Variants in ZDHHC3 observed in about 807,000 individuals in gnomAD.
ZDHHC3 encodes the protein zDHHC palmitoyltransferase 3.
A neutral mutation model predicts 30.6 loss-of-function variants in ZDHHC3; 9 were observed. That is an observed-to-expected ratio of 0.29 (90% CI 0.18 to 0.51). The LOEUF (loss-of-function observed/expected upper bound fraction) is 0.51, where lower values mean the gene tolerates loss of function less well. ZDHHC3 is among the 20% of genes least tolerant of loss of function. ZDHHC3 has a pLI of 0.97. For synonymous variants in ZDHHC3, 136 were observed against 140.2 expected, an observed-to-expected ratio of 0.97 and a Z score of 0.21; for missense variants, 246 against 384.2, an observed-to-expected ratio of 0.64 and a Z score of 3.01.
At chr3:44,945,930 T>C (rs376819479) in intron 2 of ZDHHC3, among the ~76,000 whole-genome samples, 82 of 152,332 alleles carry the variant, frequency 5.4e-4, no homozygotes, top group African/African-American at 1.9e-3. Flanking sequence ...TTTACTGGAA[T>C]TATTTTAATT....
chr3:44,925,969 CT>C lies in ZDHHC3; in HGVS notation c.*719del. The C allele has an allele frequency of 1.0e-6, 1 of 985,826 alleles. No homozygotes were observed. The highest frequency in any genetic ancestry group is 5.2e-4 in the Middle Eastern group (1 of 1,914). 61.1% of individuals were successfully genotyped at this position (985,826 alleles called of 1,614,324 possible). ...AAGGCATTTTGAACTGGAAAAACGT[CT>C]TTCCTACACACTCTTCCAAATAATC... On this transcript the variant is annotated 3_prime_UTR_variant, in exon 7 of 7. Transcript: ENST00000424952.
intron 2 of ZDHHC3, chr3:44,958,674 C>A (rs1447592224): frequency 6.5e-6 from 10 of 1,536,042 alleles, no homozygotes; most frequent in Non-Finnish European, 7.8e-6. Context: ...AAGGCCATTT[C>A]CGTGCAGGTT....
chr3:44,973,226 T>C (rs1705549213), intron 1 of ZDHHC3, among the ~76,000 whole-genome samples: 1 of 152,156 alleles, frequency 6.6e-6, no homozygotes, highest in South Asian at 2.1e-4. Context: ...CACCAAATAA[T>C]CTGGTGAATG....
At position 44,920,245 on chromosome 3, in the gene ZDHHC3, G is replaced by A. The variant is rs577157204; in HGVS notation, c.*6444C>T. On this transcript the variant is annotated 3_prime_UTR_variant, in exon 7 of 7. Coordinates refer to ENST00000424952, the MANE Select transcript of ZDHHC3 (RefSeq NM_001135179.2). ...CATGCTGCTTCCTGACTGGCCCCTC[G>A]CCAGGCCTCCCTTCTTGGCACAGAA... 4.7e-5 allele frequency: 61 copies of A among 1,289,864 alleles called. No individual in the cohort carries two copies. The African/African-American group carries it at 8.2e-4, about 17-fold the overall frequency. 79.9% of individuals were successfully genotyped at this position (1,289,864 alleles called of 1,614,324 possible). A position where few individuals can be genotyped will look rare whatever the true frequency, so the allele number is the denominator to read the frequency against.
intron 1 of ZDHHC3, among the ~76,000 whole-genome samples, chr3:44,969,132 C>T (rs887128788): frequency 1.3e-5 from 2 of 152,236 alleles, no homozygotes; most frequent in Non-Finnish European, 2.9e-5. Flanking sequence ...GTGATACTCT[C>T]ATAGTTTGTG....
chr3:44,924,553 T>C lies in ZDHHC3; in HGVS notation c.*2136A>G. The C allele has an allele frequency of 2.0e-6, 2 of 985,428 alleles. No individual in the cohort carries two copies. Among genetic ancestry groups the C allele is most frequent in the Non-Finnish European group, 2.4e-6 (2 of 829,932 alleles). 61.0% of individuals were successfully genotyped at this position (985,428 alleles called of 1,614,324 possible). On this transcript the variant is annotated 3_prime_UTR_variant, in exon 7 of 7. Transcript: ENST00000424952. The stretch of plus-strand genomic sequence containing the variant: ...CACAGCTTTAAAGGAGGAGTTTCTA[T>C]TTTTAGGACTAAAAAAAAGTCAGTG...
In ZDHHC3 at chr3:44,919,766, T is replaced by C; in HGVS notation, c.*6923A>G. On this transcript the variant is annotated 3_prime_UTR_variant, in exon 7 of 7. Coordinates refer to ENST00000424952, the MANE Select transcript of ZDHHC3 (RefSeq NM_001135179.2). ...TATGGTTGTATAAAATGTTTACCTT[T>C]GGTGAGACTGACTGAAAGGTACATG... 1.7e-6 allele frequency: 1 copy of C among 581,244 alleles called. No homozygotes were observed. The highest frequency in any genetic ancestry group is 2.0e-5 in the African/African-American group (1 of 49,308). 36.0% of individuals were successfully genotyped at this position (581,244 alleles called of 1,614,324 possible). A position where few individuals can be genotyped will look rare whatever the true frequency, so the allele number is the denominator to read the frequency against.
rs1016937198 is a variant in ZDHHC3, at chr3:44,962,567, G to A, written c.-24-3107C>T. Among the ~76,000 whole-genome samples the A allele has an allele frequency of 3.3e-5, 5 of 151,368 alleles. No individual in the cohort carries two copies. The South Asian group carries it at 1.0e-3, about 32-fold the overall frequency. On this transcript the variant is annotated intron_variant, in intron 1 of 6. Coordinates refer to ENST00000424952, the MANE Select transcript of ZDHHC3 (RefSeq NM_001135179.2). ...AGGGGAGGGGAGGGGTATTATAGCT[G>A]TTTGTCCCTTAAGCACAATAATCAA...
At chr3:44,930,335 A>C (rs902343542) in intron 5 of ZDHHC3, among the ~76,000 whole-genome samples, 2 of 152,198 alleles carry the variant, frequency 1.3e-5, no homozygotes, top group Non-Finnish European at 2.9e-5. Context: ...AAGGCCCTGA[A>C]GCAAGGTGGC....
chr3:44,921,159 A>AT lies in ZDHHC3; in HGVS notation c.*5529_*5530insA, dbSNP rs1700562619. 2.3e-5 allele frequency: 23 copies of AT among 985,440 alleles called. No homozygotes were observed. The South Asian group carries it at 1.1e-3, about 46-fold the overall frequency. 61.0% of individuals were successfully genotyped at this position (985,440 alleles called of 1,614,324 possible). A position where few individuals can be genotyped will look rare whatever the true frequency, so the allele number is the denominator to read the frequency against. ...TTTGGCCCAGGTCAGTCTGGGTGACACATGAGCTGTGATCTGTGAACAAAC... is the reference window on the plus strand; with the variant it reads ...TTTGGCCCAGGTCAGTCTGGGTGACATCATGAGCTGTGATCTGTGAACAAAC... On this transcript the variant is annotated 3_prime_UTR_variant, in exon 7 of 7. Transcript: ENST00000424952.
In ZDHHC3 at chr3:44,975,992, C is replaced by T. The variant is rs1159625944; in HGVS notation, c.-84G>A. 41 of 335,140 alleles carry T rather than the reference C, an allele frequency of 1.2e-4. No individual in the cohort carries two copies. The highest frequency in any genetic ancestry group is 1.8e-4 in the Non-Finnish European group (34 of 186,624). The allele number at this position is 335,140 out of a possible 1,614,324, so 20.8% of individuals were successfully genotyped here. The stretch of plus-strand genomic sequence containing the variant: ...CCGGTGGGGCTCCCGCCGCCGCCGC[C>T]GCTGCCTTCCCCTGCAGTCCCCAAC... On this transcript the variant is annotated 5_prime_UTR_variant, in exon 1 of 7. Transcript: ENST00000424952.
rs1227819646 is a variant in ZDHHC3 at position 44,915,450 on chromosome 3, G to T, written c.*11239C>A. ...GCTGGTGTGGGGAGGCGAGGCTCAG[G>T]GTTGGACAGGTTAATTACCTACATA... On this transcript the variant is annotated 3_prime_UTR_variant, in exon 7 of 7. Transcript: ENST00000424952. 1 of 152,130 alleles carries T rather than the reference G, an allele frequency of 6.6e-6. No homozygotes were observed. Among genetic ancestry groups the T allele is most frequent in the East Asian group, 1.9e-4 (1 of 5,172 alleles). The allele number at this position is 152,130 out of a possible 1,614,324, so 9.4% of individuals were successfully genotyped here.
Position 44,917,739 on chromosome 3 carries a change from G to C in ZDHHC3, c.*8950C>G. On this transcript the variant is annotated 3_prime_UTR_variant, in exon 7 of 7. Transcript: ENST00000424952. ...ACCCCCAGACCTGGCCCAACATGGA[G>C]AGAAGAAGGAGGGGAAATGGCAAGG... 1.1e-6 allele frequency: 1 copy of C among 907,802 alleles called. No homozygotes were observed. The highest frequency in any genetic ancestry group is 1.5e-6 in the Non-Finnish European group (1 of 677,738). 56.2% of individuals were successfully genotyped at this position (907,802 alleles called of 1,614,324 possible).
intron 2 of ZDHHC3, among the ~76,000 whole-genome samples, chr3:44,948,050 C>T (rs1306591775): frequency 1.3e-5 from 2 of 152,224 alleles, no homozygotes; most frequent in African/African-American, 2.4e-5. Context: ...GTCTACTTCA[C>T]AGCAAGCTCC....
At position 44,920,635 on chromosome 3, in the gene ZDHHC3, C is replaced by G; in HGVS notation, c.*6054G>C. 1.0e-6 allele frequency: 1 copy of G among 985,368 alleles called. No individual in the cohort carries two copies. The highest frequency in any genetic ancestry group is 1.2e-6 in the Non-Finnish European group (1 of 829,916). The allele number at this position is 985,368 out of a possible 1,614,324, so 61.0% of individuals were successfully genotyped here. A position where few individuals can be genotyped will look rare whatever the true frequency, so the allele number is the denominator to read the frequency against. On this transcript the variant is annotated 3_prime_UTR_variant, in exon 7 of 7. Transcript: ENST00000424952. Reference sequence around the variant, plus strand: ...AACTAGTGTCTTTTTTTCTGCCCAACAGGTTTCCAGTTCTACTGCAAATCA... The same window carrying G: ...AACTAGTGTCTTTTTTTCTGCCCAAGAGGTTTCCAGTTCTACTGCAAATCA...
chr3:44,964,951 G>C (rs935580791), intron 1 of ZDHHC3, among the ~76,000 whole-genome samples: 1 of 152,120 alleles, frequency 6.6e-6, no homozygotes, highest in Non-Finnish European at 1.5e-5. Flanking sequence ...AGCCCAGAAA[G>C]GCAAAGGAAC....
intron 3 of ZDHHC3, among the ~76,000 whole-genome samples, chr3:44,936,338 T>C (rs1481383862): frequency 6.6e-6 from 1 of 152,016 alleles, no homozygotes; most frequent in Non-Finnish European, 1.5e-5. Context: ...ATGGCTACCA[T>C]TAAAAAGTCA....
chr3:44,965,496 T>TC (rs1198460289), intron 1 of ZDHHC3, among the ~76,000 whole-genome samples: 1 of 152,162 alleles, frequency 6.6e-6, no homozygotes, highest in Non-Finnish European at 1.5e-5. Flanking sequence ...CTGTGGCACT[T>TC]CATCGGGTTG....
chr3:44,958,181 T>G (rs1269345094), intron 2 of ZDHHC3, among the ~76,000 whole-genome samples: 3 of 152,110 alleles, frequency 2.0e-5, no homozygotes, highest in Non-Finnish European at 4.4e-5. Context: ...CAGTGGCTGA[T>G]ATGTAATTGA....
Sources: allele counts gnomAD v4.1 joint callset (sites outside exome capture counted in the v4.1 genomes callset), GRCh38; gene constraint gnomAD v4.1.1; transcripts MANE v1.5; gene names NCBI Gene and HGNC (gene_info 2026-07-23, HGNC 2026-07-21).